DGKK: variants seen among roughly 807,000 people sequenced by gnomAD.
DGKK encodes the protein 142 kDa diacylglycerol kinase.
In DGKK, 35 loss-of-function variants were observed where a neutral mutation model predicts 92.2. The ratio of observed to expected loss-of-function variants is 0.38; its 90% CI spans 0.29 to 0.50. The LOEUF is 0.50. Ranked by LOEUF, DGKK falls within the 20% of genes least tolerant of loss-of-function variation. The pLI is 0.92. For synonymous variants in DGKK, 368 were observed against 360.6 expected (o/e 1.02, Z -0.23); for missense variants, 910 against 992.2 (o/e 0.92, Z 1.11).
intron 14 of DGKK, among the ~76,000 whole-genome samples, chrX:50,386,957 C>T (rs7882950): frequency 0.25 from 27,734 of 109,795 alleles, 2,799 homozygotes; most frequent in Middle Eastern, 0.39. Context: ...TGGATATGAA[C>T]GTGTCCCTGC....
At chrX:50,381,580 C>T (rs1320707129) in intron 18 of DGKK, among the ~76,000 whole-genome samples, 7 of 111,938 alleles carry the variant, frequency 6.3e-5, no homozygotes, top group African/African-American at 1.6e-4. Flanking sequence ...TCACACTATA[C>T]GTAAAAATTA....
At chrX:50,466,506 A>G (rs1403070673) in intron 1 of DGKK, among the ~76,000 whole-genome samples, 1 of 111,788 alleles carries the variant, frequency 8.9e-6, no homozygotes, top group African/African-American at 3.3e-5. Flanking sequence ...AGTTCCAATA[A>G]CCACTCTGAA....
At chrX:50,453,459 A>AT (rs1926539244) in intron 1 of DGKK, among the ~76,000 whole-genome samples, 1 of 111,641 alleles carries the variant, frequency 9.0e-6, no homozygotes, top group Admixed American at 9.5e-5. Context: ...AGACAACTAC[A>AT]TTTTTTGGCT....
intron 13 of DGKK, 41 bp downstream of exon 13, chrX:50,388,486 T>C (rs1924605988): frequency 9.3e-7 from 1 of 1,077,847 alleles, no homozygotes; most frequent in Non-Finnish European, 1.3e-6. Context: ...ATGTCTGACC[T>C]GGGAACAGCC....
intron 25 of DGKK, among the ~76,000 whole-genome samples, chrX:50,373,941 T>C (rs782572042): frequency 1.8e-5 from 2 of 112,016 alleles, no homozygotes; most frequent in Non-Finnish European, 3.8e-5. Flanking sequence ...CAAAATGCAC[T>C]ATGAAGCTGC....
intron 23 of DGKK, 72 bp from the exon 24 acceptor site, chrX:50,376,237 G>A (rs898584085): frequency 1.8e-6 from 2 of 1,108,616 alleles, no homozygotes; most frequent in East Asian, 6.1e-5. Flanking sequence ...ACTGGTGAGG[G>A]TTTGGGTAAG....
intron 8 of DGKK, among the ~76,000 whole-genome samples, chrX:50,394,972 C>T (rs782159804): frequency 9.1e-6 from 1 of 109,763 alleles, no homozygotes; most frequent in Admixed American, 9.7e-5. Context: ...GGGAGACTGT[C>T]TGGGCTGTCT....
intron 4 of DGKK, among the ~76,000 whole-genome samples, chrX:50,418,871 A>G (rs1332260740): frequency 2.7e-5 from 3 of 112,096 alleles, no homozygotes; most frequent in African/African-American, 9.7e-5. Flanking sequence ...TCCTAGAACA[A>G]TAATTAAAAT....
chrX:50,434,517 A>G (rs1925969088), intron 1 of DGKK, among the ~76,000 whole-genome samples: 1 of 111,045 alleles, frequency 9.0e-6, no homozygotes, highest in Non-Finnish European at 1.9e-5. Flanking sequence ...CTTGGGTGTG[A>G]GATCTAACTT....
chrX:50,416,810 T>C (rs1983921669), intron 4 of DGKK, among the ~76,000 whole-genome samples: 3 of 111,445 alleles, frequency 2.7e-5, no homozygotes, highest in African/African-American at 9.8e-5. Context: ...AGAGTCATTT[T>C]GCCACTTTGA....
chrX:50,385,067 C>A (rs1359514760), intron 15 of DGKK, among the ~76,000 whole-genome samples: 1 of 111,755 alleles, frequency 8.9e-6, no homozygotes, highest in Non-Finnish European at 1.9e-5. Context: ...CATATTCATG[C>A]CTGAGCTTTC....
intron 4 of DGKK, among the ~76,000 whole-genome samples, chrX:50,416,637 A>C (rs1925440702): frequency 9.0e-6 from 1 of 111,722 alleles, no homozygotes; most frequent in African/African-American, 3.3e-5. Context: ...ATTACAGAAG[A>C]GTGTTAGGGC....
chrX:50,431,749 G>A (rs1925894461), intron 1 of DGKK, among the ~76,000 whole-genome samples: 1 of 111,454 alleles, frequency 9.0e-6, no homozygotes. Context: ...GCAACTCCGG[G>A]TGCTTTAGGC....
At chrX:50,463,629 CCTT>C (rs1926819395) in intron 1 of DGKK, among the ~76,000 whole-genome samples, 1 of 106,776 alleles carries the variant, frequency 9.4e-6, no homozygotes, top group Admixed American at 1.0e-4. Flanking sequence ...TTCTCTCTCT[CCTT>C]CTCCCTTCTC....
chrX:50,403,647 G>T (rs782303995), intron 5 of DGKK, 50 bp from the exon 6 acceptor site: 37 of 1,018,117 alleles, frequency 3.6e-5, no homozygotes, highest in South Asian at 1.1e-4. Context: ...TGACAGTGAG[G>T]ATTCTAATTC....
chrX:50,387,700 C>T (rs782317534), intron 13 of DGKK, 47 bp from the exon 14 acceptor site: 8 of 923,666 alleles, frequency 8.7e-6, no homozygotes, highest in South Asian at 2.1e-5. Flanking sequence ...ACCATGAGGC[C>T]CAGAGCCCTT....
rs1214002902 is a variant in DGKK, at chrX:50,368,874, T to C, written c.*66A>G. 4.5e-5 allele frequency: 42 copies of C among 929,280 alleles called. No individual in the cohort carries two copies. The highest frequency in any genetic ancestry group is 6.0e-5 in the Non-Finnish European group (39 of 651,072). The allele number at this position is 929,280 out of a possible 1,213,427, so 76.6% of individuals were successfully genotyped here. A position where few individuals can be genotyped will look rare whatever the true frequency, so the allele number is the denominator to read the frequency against. On this transcript the variant is annotated 3_prime_UTR_variant, in exon 28 of 28. Transcript: ENST00000611977. ...TTCTGAAATGATTTAGTCTAGCCTG[T>C]ATTGAGGTTTTGAGAGTTTTTTTAG...
intron 18 of DGKK, among the ~76,000 whole-genome samples, chrX:50,380,584 G>A (rs935293215): frequency 6.3e-5 from 7 of 111,455 alleles, no homozygotes; most frequent in Admixed American, 2.9e-4. Context: ...CAATGCCATG[G>A]AACAGATCTA....
intron 24 of DGKK, among the ~76,000 whole-genome samples, chrX:50,375,355 T>C (rs1478493092): frequency 9.0e-6 from 1 of 110,518 alleles, no homozygotes. Context: ...AAATAGGAAA[T>C]ATGCAAACCA....
Sources: gnomAD v4.1 joint callset for allele counts (sites outside exome capture counted in the v4.1 genomes callset) on GRCh38, gnomAD v4.1.1 for gene constraint, MANE v1.5 for transcripts, NCBI Gene and HGNC (gene_info 2026-07-23, HGNC 2026-07-21) for gene names.